Variants in MYCBP2 observed in about 807,000 individuals in gnomAD.
The protein encoded by MYCBP2 is MYC binding protein 2.
In MYCBP2, 120 loss-of-function variants were observed where a neutral mutation model predicts 525.3. The ratio of observed to expected loss-of-function variants is 0.23; its 90% CI spans 0.20 to 0.27. The LOEUF (loss-of-function observed/expected upper bound fraction) is 0.27, where lower values mean the gene tolerates loss of function less well. Among genes scored for constraint, MYCBP2 ranks in the 10% least tolerant of loss-of-function variants. The pLI is 1.00. For synonymous variants in MYCBP2, 1,894 were observed against 1,955.8 expected, an observed-to-expected ratio of 0.97 and a Z score of 0.83; for missense variants, 4,149 against 5,657.1, an observed-to-expected ratio of 0.73 and a Z score of 8.55.
chr13:77,270,352 G>T lies in MYCBP2; in HGVS notation c.1132C>A (p.Leu378Ile), dbSNP rs750861594. ...LLQNDGFFLY[L>I]LCKDGLYKIG... Reference sequence around the variant, plus strand: ...TTATATAATCCATCCTTGCATAATAGATAAAGAAAAAATCCATCATTCTGA... The same window carrying T: ...TTATATAATCCATCCTTGCATAATATATAAAGAAAAAATCCATCATTCTGA... The change falls in exon 6 of 83, where the codon CTA (leucine) becomes ATA (isoleucine). Residue 378 changes from leucine (L) to isoleucine (I), a missense_variant. This residue lies in a region of MYCBP2 where 262 missense variants were observed against 419.3 expected (regional missense o/e 0.62). Transcript: ENST00000544440. 22 of 1,613,322 alleles carry T rather than the reference G, an allele frequency of 1.4e-5. No homozygotes were observed. The highest frequency in any genetic ancestry group is 1.8e-5 in the Non-Finnish European group (21 of 1,179,702).
In MYCBP2 at chr13:77,068,765, C is replaced by T. The variant is rs1264081884; in HGVS notation, c.11971G>A (p.Ala3991Thr). 5.0e-6 allele frequency: 8 copies of T among 1,614,030 alleles called. No individual in the cohort carries two copies. Among genetic ancestry groups the T allele is most frequent in the Non-Finnish European group, 6.8e-6 (8 of 1,180,016 alleles). The part of the protein sequence containing the change: ...ATRVREEWEH[A>T]ISSKENANSQ... The stretch of plus-strand genomic sequence containing the variant: ...TTGGCATTTTCTTTGCTTGATATAG[C>T]ATGTTCCCATTCTTCACGGACTCTG... Residue 3991 changes from alanine to threonine, a missense_variant, in exon 70 of 83, where the codon GCT becomes ACT. By Grantham distance (58) the Ala-to-Thr change is moderately conservative. Transcript: ENST00000544440.
chr13:77,063,383 C>G (rs866834927), intron 73 of MYCBP2, among the ~76,000 whole-genome samples: 1 of 151,866 alleles, frequency 6.6e-6, no homozygotes, highest in Non-Finnish European at 1.5e-5. Context: ...CATGGTGAAA[C>G]CCAGTCTTTA....
At chr13:77,295,265 C>G (rs1307467472) in intron 2 of MYCBP2, among the ~76,000 whole-genome samples, 4 of 152,186 alleles carry the variant, frequency 2.6e-5, no homozygotes, top group African/African-American at 9.7e-5. Context: ...TCCTGAGTAG[C>G]TGGGACTACA....
chr13:77,264,869 A>G (rs962092295), intron 8 of MYCBP2, among the ~76,000 whole-genome samples: 8 of 149,604 alleles, frequency 5.3e-5, no homozygotes, highest in East Asian at 1.9e-4. Flanking sequence ...AGTTAAAAGC[A>G]CACACACACA....
chr13:77,131,037 C>T (rs745606229), intron 52 of MYCBP2, among the ~76,000 whole-genome samples: 4 of 151,504 alleles, frequency 2.6e-5, no homozygotes, highest in Non-Finnish European at 5.9e-5. Context: ...CCAATAAAAT[C>T]AATTCTGTAT....
chr13:77,153,052 G>A (rs1026415976), intron 46 of MYCBP2, among the ~76,000 whole-genome samples: 6 of 130,684 alleles, frequency 4.6e-5, no homozygotes, highest in South Asian at 2.5e-4. Flanking sequence ...GCGACAGAGC[G>A]AGACTCTGTC....
intron 62 of MYCBP2, 139 bp from the exon 63 acceptor site, chr13:77,083,331 C>T (rs2043628180): frequency 2.4e-5 from 18 of 742,070 alleles, no homozygotes; most frequent in Non-Finnish European, 3.7e-5. Flanking sequence ...CAGAAAGATA[C>T]AGTAATTTTA....
chr13:77,278,135 T>G (rs2075827794), intron 4 of MYCBP2, among the ~76,000 whole-genome samples: 1 of 152,206 alleles, frequency 6.6e-6, no homozygotes, highest in Non-Finnish European at 1.5e-5. Flanking sequence ...CAAAAAAAAG[T>G]CCCCTCAATT....
chr13:77,142,279 A>C (rs564644006), intron 49 of MYCBP2, among the ~76,000 whole-genome samples: 1 of 152,326 alleles, frequency 6.6e-6, no homozygotes, highest in African/African-American at 2.4e-5. Context: ...TAAAGTGTTA[A>C]CACTTGACAG....
rs754305609 is a variant in MYCBP2 at position 77,146,128 on chromosome 13, T to C, written c.7187+34A>G. 11 of 1,440,046 alleles carry C rather than the reference T, an allele frequency of 7.6e-6. No individual in the cohort carries two copies. The African/African-American group carries it at 1.0e-4, about 13-fold the overall frequency. 89.2% of individuals were successfully genotyped at this position (1,440,046 alleles called of 1,614,324 possible). The stretch of plus-strand genomic sequence containing the variant: ...TTAGTTGCAAGCAGCTGACAACACA[T>C]GTTTTGGTTATACTTTGAGAAAACG... On this transcript the variant is annotated intron_variant, in intron 48 of 82. Transcript: ENST00000544440.
chr13:77,219,129 T>C (rs534282952), intron 20 of MYCBP2, among the ~76,000 whole-genome samples: 17 of 152,274 alleles, frequency 1.1e-4, no homozygotes, highest in Middle Eastern at 6.8e-3. Flanking sequence ...CTAATTTCCC[T>C]TATGAGTCTC....
chr13:77,141,959 G>A (rs2054722236), intron 49 of MYCBP2, among the ~76,000 whole-genome samples: 1 of 152,010 alleles, frequency 6.6e-6, no homozygotes, highest in South Asian at 2.1e-4. Flanking sequence ...AGTTGAGTAT[G>A]GAAGAAAATG....
At chr13:77,306,620 C>T (rs1432558859) in intron 1 of MYCBP2, among the ~76,000 whole-genome samples, 1 of 152,160 alleles carries the variant, frequency 6.6e-6, no homozygotes, top group Non-Finnish European at 1.5e-5. Context: ...GCTATAGACC[C>T]TGCCTCATGC....
At chr13:77,312,644 T>A (rs2080403707) in intron 1 of MYCBP2, among the ~76,000 whole-genome samples, 1 of 150,222 alleles carries the variant, frequency 6.7e-6, no homozygotes, top group South Asian at 2.1e-4. Context: ...CTCCCAATAA[T>A]CCCAAAATAT....
intron 26 of MYCBP2, among the ~76,000 whole-genome samples, chr13:77,195,415 G>C (rs2061662787): frequency 6.6e-6 from 1 of 152,060 alleles, no homozygotes; most frequent in African/African-American, 2.4e-5. Flanking sequence ...TGGTCAACAT[G>C]GTGAAACCCC....
chr13:77,180,834 C>A (rs554559022), intron 33 of MYCBP2, among the ~76,000 whole-genome samples: 1 of 152,204 alleles, frequency 6.6e-6, no homozygotes, highest in African/African-American at 2.4e-5. Flanking sequence ...GTGGGAAGAT[C>A]GTTTGAGTCC....
At chr13:77,157,887 A>G (rs2057402676) in intron 45 of MYCBP2, 50 bp downstream of exon 45, 11 of 1,442,204 alleles carry the variant, frequency 7.6e-6, no homozygotes, top group Non-Finnish European at 1.0e-5. Flanking sequence ...TTCAGAAATG[A>G]AGAAAGATGA....
intron 15 of MYCBP2, among the ~76,000 whole-genome samples, chr13:77,245,616 G>T (rs1051353222): frequency 6.6e-6 from 1 of 150,602 alleles, no homozygotes; most frequent in East Asian, 2.0e-4. Context: ...GGGGGTGGGG[G>T]CTAGGGGAGG....
chr13:77,138,859 G>A (rs944927581), intron 52 of MYCBP2, among the ~76,000 whole-genome samples: 31 of 152,102 alleles, frequency 2.0e-4, no homozygotes, highest in Non-Finnish European at 1.5e-4. Flanking sequence ...CTTTAGTTTG[G>A]AATTCATTCC....
Sources: gnomAD v4.1 joint callset for allele counts (sites outside exome capture counted in the v4.1 genomes callset) on GRCh38, gnomAD v4.1.1 for gene constraint, gnomAD v4.1.1 regional missense constraint, MANE v1.5 for transcripts, NCBI Gene and HGNC (gene_info 2026-07-23, HGNC 2026-07-21) for gene names.